Variants in ZNF438 observed in about 807,000 individuals in gnomAD.
ZNF438 encodes zinc finger protein 438.
Under a neutral mutation model 38.0 loss-of-function variants are expected in ZNF438, and 25 were observed. The observed-to-expected ratio is 0.66, with a 90% CI of 0.48 to 0.92. The LOEUF is 0.92. ZNF438 is among the 40% of genes least tolerant of loss of function. The pLI, the probability that ZNF438 is intolerant of heterozygous loss-of-function variation, is 0.00. For synonymous variants in ZNF438, 372 were observed against 364.1 expected, an observed-to-expected ratio of 1.02 and a Z score of -0.25; for missense variants, 1,007 against 999.6, an observed-to-expected ratio of 1.01 and a Z score of -0.10.
chr10:30,920,504 T>G (rs2044168327), intron 2 of ZNF438: 1 of 152,204 alleles, frequency 6.6e-6, no homozygotes, highest in African/African-American at 2.4e-5. Context: ...TATCCTCTTC[T>G]TGAGAGGTAG....
At chr10:30,876,778 C>G (rs1205929659) in intron 4 of ZNF438, among the ~76,000 whole-genome samples, 6 of 152,142 alleles carry the variant, frequency 3.9e-5, no homozygotes, top group Non-Finnish European at 1.5e-5. Context: ...GCTGGGCTCT[C>G]AAGGCGCTAT....
chr10:30,852,632 T>C (rs1268868450), intron 4 of ZNF438, among the ~76,000 whole-genome samples: 1 of 152,258 alleles, frequency 6.6e-6, no homozygotes, highest in East Asian at 1.9e-4. Flanking sequence ...GTGAAATTTA[T>C]ATTGACCAGT....
chr10:30,866,334 T>C (rs61843571), intron 4 of ZNF438, among the ~76,000 whole-genome samples: 20,379 of 152,194 alleles, frequency 0.13, 1,613 homozygotes, highest in Non-Finnish European at 0.18. Flanking sequence ...CTGAAATATG[T>C]TGAATGAACA....
chr10:30,872,511 G>T (rs1307246662), intron 4 of ZNF438, among the ~76,000 whole-genome samples: 3 of 147,538 alleles, frequency 2.0e-5, no homozygotes, highest in South Asian at 2.2e-4. Context: ...AGCACTTTGG[G>T]AGGCCGAGGC....
chr10:31,027,226 G>C (rs2133396009), intron 1 of ZNF438, among the ~76,000 whole-genome samples: 1 of 152,080 alleles, frequency 6.6e-6, no homozygotes, highest in African/African-American at 2.4e-5. Context: ...ATGTACCCTA[G>C]AACTTAAAGT....
At chr10:30,918,713 G>A (rs2134832933) in intron 2 of ZNF438, among the ~76,000 whole-genome samples, 1 of 152,292 alleles carries the variant, frequency 6.6e-6, no homozygotes, top group African/African-American at 2.4e-5. Context: ...CAAGTTGGCA[G>A]TAAAATAAAG....
chr10:30,875,304 G>A, intron 4 of ZNF438: 2 of 985,408 alleles, frequency 2.0e-6, no homozygotes, highest in Non-Finnish European at 2.4e-6. Context: ...CAAGCAGCTT[G>A]TTGCTTAGTT....
chr10:30,873,444 G>A (rs1202827624), intron 4 of ZNF438, among the ~76,000 whole-genome samples: 3 of 152,154 alleles, frequency 2.0e-5, no homozygotes, highest in Non-Finnish European at 2.9e-5. Flanking sequence ...CATTAATAAT[G>A]CTGCCAGCTC....
intron 2 of ZNF438, among the ~76,000 whole-genome samples, chr10:30,911,337 TG>T (rs2043060431): frequency 6.6e-6 from 1 of 152,120 alleles, no homozygotes; most frequent in South Asian, 2.1e-4. Flanking sequence ...GCCTTGCTGG[TG>T]AATAAACTGT....
chr10:30,874,114 G>GTATATACATATATA (rs2037993623), intron 4 of ZNF438, among the ~76,000 whole-genome samples: 1 of 80,290 alleles, frequency 1.2e-5, no homozygotes, highest in African/African-American at 6.9e-5. Context: ...GTGTGTGTGT[G>GTATATACATATATA]TATATATATA....
At chr10:30,853,914 A>C (rs1466940202) in intron 4 of ZNF438, among the ~76,000 whole-genome samples, 1 of 151,188 alleles carries the variant, frequency 6.6e-6, no homozygotes, top group Admixed American at 6.6e-5. Context: ...GGAACTGCTT[A>C]AACCTGGGAG....
chr10:30,939,074 A>T (rs770909994), intron 2 of ZNF438, among the ~76,000 whole-genome samples: 12 of 152,202 alleles, frequency 7.9e-5, no homozygotes, highest in Non-Finnish European at 1.5e-4. Flanking sequence ...GATTAGAGGC[A>T]TGAGCCACTG....
intron 1 of ZNF438, among the ~76,000 whole-genome samples, chr10:30,976,751 AAAAG>A (rs1252786121): frequency 2.0e-5 from 3 of 152,252 alleles, no homozygotes; most frequent in African/African-American, 7.2e-5. Flanking sequence ...AAAAAAAAAA[AAAAG>A]AAGTCATATT....
intron 2 of ZNF438, among the ~76,000 whole-genome samples, chr10:30,922,574 C>G (rs931389402): frequency 6.6e-6 from 1 of 152,150 alleles, no homozygotes; most frequent in African/African-American, 2.4e-5. Context: ...TGGCTCACGC[C>G]TGTAATCCCA....
exon 5 of ZNF438, chr10:30,849,062 G>A (rs1456189479): frequency 1.2e-6 from 2 of 1,613,980 alleles, no homozygotes; most frequent in African/African-American, 2.7e-5. Context: ...AGCCAGGGAG[G>A]CCAAAGTGGG....
intron 2 of ZNF438, among the ~76,000 whole-genome samples, chr10:30,915,695 T>C (rs2043549248): frequency 6.6e-6 from 1 of 152,030 alleles, no homozygotes; most frequent in Non-Finnish European, 1.5e-5. Context: ...CATTAAGATC[T>C]AGATATTAGC....
rs73252661 is a variant in ZNF438 at position 30,953,786 on chromosome 10, G to T, written c.-191-12135C>A. On this transcript the variant is annotated intron_variant, in intron 1 of 5. Coordinates refer to ENST00000413025, the Ensembl canonical transcript of ZNF438. ...CAACATTAATGAAAACCTTATGGTG[G>T]ATAGATGAATAACTCTTCTTATGCA... Among the ~76,000 whole-genome samples, 914 of 152,240 alleles carry T rather than the reference G, an allele frequency of 6.0e-3. 10 individuals are homozygous for T. Among genetic ancestry groups the T allele is most frequent in the African/African-American group, 0.021 (854 of 41,526 alleles).
chr10:30,984,952 AT>A (rs1377816940), intron 1 of ZNF438, among the ~76,000 whole-genome samples: 3 of 151,918 alleles, frequency 2.0e-5, no homozygotes, highest in African/African-American at 7.3e-5. Flanking sequence ...TTTTCTAATG[AT>A]TTTTTTTAAT....
intron 2 of ZNF438, among the ~76,000 whole-genome samples, chr10:30,925,473 T>G (rs2044806261): frequency 1.3e-5 from 2 of 152,144 alleles, no homozygotes; most frequent in South Asian, 4.1e-4. Flanking sequence ...AGAAATAACA[T>G]GAAGACAAAA....
Sources: gnomAD v4.1 joint callset for allele counts (sites outside exome capture counted in the v4.1 genomes callset) on GRCh38, gnomAD v4.1.1 for gene constraint, MANE v1.5 for transcripts, NCBI Gene and HGNC (gene_info 2026-07-23, HGNC 2026-07-21) for gene names.